The following UBE2E3 variants were observed in gnomAD, a reference collection of about 807,000 sequenced individuals.
UBE2E3 encodes the protein ubiquitin-conjugating enzyme E2 E3.
In UBE2E3, 5 loss-of-function variants were observed where a neutral mutation model predicts 23.6. That is an observed-to-expected ratio of 0.21 (90% CI 0.11 to 0.44). UBE2E3 has a LOEUF of 0.44. Ranked by LOEUF, UBE2E3 falls within the 20% of genes least tolerant of loss-of-function variation. The pLI is 0.99. For synonymous variants in UBE2E3, 78 were observed against 87.5 expected, an observed-to-expected ratio of 0.89 and a Z score of 0.60; for missense variants, 81 against 249.8, an observed-to-expected ratio of 0.32 and a Z score of 4.55.
chr2:181,022,665 A>G (rs1271363925), intron 3 of UBE2E3, among the ~76,000 whole-genome samples: 4 of 152,060 alleles, frequency 2.6e-5, no homozygotes, highest in Non-Finnish European at 5.9e-5. Flanking sequence ...CATTTCAAAC[A>G]ATGAAATTAC....
intron 3 of UBE2E3, among the ~76,000 whole-genome samples, chr2:181,040,870 CCTTAGAAAAGCAGAAGA>C (rs1446874071): frequency 1.3e-5 from 2 of 152,010 alleles, no homozygotes; most frequent in East Asian, 3.9e-4. Flanking sequence ...TATTTTTTTA[CCTTAGAAAAGCAGAAGA>C]CTTGAATTTT....
At chr2:181,034,245 G>C (rs187484560) in intron 3 of UBE2E3, among the ~76,000 whole-genome samples, 101 of 152,278 alleles carry the variant, frequency 6.6e-4, no homozygotes, top group African/African-American at 2.3e-3. Context: ...TATTGTGGCA[G>C]TATTCACAGT....
intron 1 of UBE2E3, chr2:180,981,180 C>T (rs897231585): frequency 7.4e-5 from 11 of 149,586 alleles, no homozygotes; most frequent in African/African-American, 2.7e-4. Context: ...GCCCTCCCCA[C>T]AAAGGGCCGC....
At chr2:181,036,872 T>C (rs1254529036) in intron 3 of UBE2E3, among the ~76,000 whole-genome samples, 1 of 152,236 alleles carries the variant, frequency 6.6e-6, no homozygotes, top group East Asian at 1.9e-4. Context: ...AAATCTTGTT[T>C]ATGTCAATTA....
At chr2:180,983,403 A>C (rs982976841) in intron 2 of UBE2E3, among the ~76,000 whole-genome samples, 1 of 152,216 alleles carries the variant, frequency 6.6e-6, no homozygotes, top group Non-Finnish European at 1.5e-5. Context: ...CAAATCAGAG[A>C]ACTGCTTTTC....
intron 3 of UBE2E3, among the ~76,000 whole-genome samples, chr2:181,007,500 G>GTTT (rs3060035): frequency 2.1e-5 from 3 of 145,950 alleles, no homozygotes; most frequent in Non-Finnish European, 4.5e-5. Context: ...AAGTATAATT[G>GTTT]TTTTTTTTTT....
chr2:181,054,448 C>T (rs1686931074), intron 3 of UBE2E3, among the ~76,000 whole-genome samples: 1 of 151,768 alleles, frequency 6.6e-6, no homozygotes, highest in Non-Finnish European at 1.5e-5. Context: ...TGTGTAGTGG[C>T]ATGCTTTTCT....
intron 3 of UBE2E3, among the ~76,000 whole-genome samples, chr2:181,031,331 A>G (rs1686070276): frequency 6.6e-6 from 1 of 152,178 alleles, no homozygotes; most frequent in Non-Finnish European, 1.5e-5. Context: ...CAAAAACAAG[A>G]TACGTAGAAA....
At chr2:181,020,486 G>A (rs555073501) in intron 3 of UBE2E3, among the ~76,000 whole-genome samples, 1 of 152,102 alleles carries the variant, frequency 6.6e-6, no homozygotes, top group East Asian at 1.9e-4. Context: ...ATCTTTTAGG[G>A]GCCTACAATT....
At chr2:180,987,452 T>C (rs553172091) in intron 3 of UBE2E3, 48 of 1,519,320 alleles carry the variant, frequency 3.2e-5, no homozygotes, top group Non-Finnish European at 4.0e-5. Context: ...AGCACAAATA[T>C]ACTGACGAAT....
intron 5 of UBE2E3, among the ~76,000 whole-genome samples, chr2:181,062,533 ATATCTT>A (rs1325502981): frequency 2.0e-5 from 3 of 151,678 alleles, no homozygotes; most frequent in African/African-American, 7.2e-5. Flanking sequence ...TATTAAAGAC[ATATCTT>A]TTATAAAAGT....
At chr2:181,014,756 A>C (rs1260143371) in intron 3 of UBE2E3, among the ~76,000 whole-genome samples, 3 of 152,154 alleles carry the variant, frequency 2.0e-5, no homozygotes, top group Non-Finnish European at 4.4e-5. Context: ...TTTTTGAGAT[A>C]CATGTGATAT....
At chr2:181,060,535 C>T in intron 4 of UBE2E3, 130 bp from the exon 5 acceptor site, 1 of 1,000,106 alleles carries the variant, frequency 1.0e-6, no homozygotes, top group Non-Finnish European at 1.3e-6. Context: ...GTTATTAAAC[C>T]TAATCTAAGT....
intron 3 of UBE2E3, among the ~76,000 whole-genome samples, chr2:181,045,803 T>TC (rs1291806963): frequency 2.0e-5 from 3 of 152,098 alleles, no homozygotes; most frequent in African/African-American, 7.2e-5. Flanking sequence ...TTCCCTCCCT[T>TC]CCACTTCCCT....
At chr2:181,059,115 A>G (rs565961104) in intron 4 of UBE2E3, among the ~76,000 whole-genome samples, 5 of 151,772 alleles carry the variant, frequency 3.3e-5, no homozygotes, top group Non-Finnish European at 5.9e-5. Context: ...TGAAATTGCA[A>G]TATATCATCT....
rs374998978 is a variant in UBE2E3, at chr2:181,011,184, G to C, written c.245+27091G>C. The stretch of plus-strand genomic sequence containing the variant: ...TGTGTTGTTGTAATGGAATGCCTGA[G>C]ACAGTAATTTATAATGGACAAAATT... On this transcript the variant is annotated intron_variant, in intron 3 of 5. Coordinates refer to ENST00000410062, the MANE Select transcript of UBE2E3 (RefSeq NM_006357.4). Among the ~76,000 whole-genome samples, 6 of 152,064 alleles carry C rather than the reference G, an allele frequency of 3.9e-5. No homozygotes were observed. The East Asian group carries it at 7.7e-4, about 20-fold the overall frequency.
intron 3 of UBE2E3, among the ~76,000 whole-genome samples, chr2:180,993,728 G>A (rs939428941): frequency 6.6e-6 from 1 of 152,042 alleles, no homozygotes; most frequent in Non-Finnish European, 1.5e-5. Context: ...TTAAATTCTA[G>A]TAGGTCAAGA....
intron 3 of UBE2E3, among the ~76,000 whole-genome samples, chr2:180,986,110 C>G (rs922891787): frequency 2.0e-5 from 3 of 152,110 alleles, no homozygotes; most frequent in Non-Finnish European, 2.9e-5. Context: ...AAACTTTGGG[C>G]TTTCTGTGAA....
intron 3 of UBE2E3, among the ~76,000 whole-genome samples, chr2:181,023,870 C>T (rs2048977): frequency 2.6e-5 from 4 of 151,918 alleles, no homozygotes; most frequent in Non-Finnish European, 5.9e-5. Flanking sequence ...CACGTAAGTT[C>T]GTGCTAGATA....
Sources: allele counts gnomAD v4.1 joint callset (sites outside exome capture counted in the v4.1 genomes callset), GRCh38; gene constraint gnomAD v4.1.1; transcripts MANE v1.5; gene names NCBI Gene and HGNC (gene_info 2026-07-23, HGNC 2026-07-21).